The following ASTN2 variants were observed in gnomAD, a reference collection of about 807,000 sequenced individuals.
ASTN2 encodes the protein astrotactin-2.
ASTN2 carries 54 observed loss-of-function variants against 139.8 expected under a neutral mutation model. That is an observed-to-expected ratio of 0.39 (90% confidence interval 0.31 to 0.48). The LOEUF (loss-of-function observed/expected upper bound fraction) is 0.48, where lower values mean the gene tolerates loss of function less well. Among genes scored for constraint, ASTN2 ranks in the 20% least tolerant of loss-of-function variants. The pLI is 0.95. For missense variants in ASTN2, 1,565 were observed against 1,725.1 expected (o/e 0.91, Z 1.64); for synonymous variants, 756 against 719.5 (o/e 1.05, Z -0.81).
intron 4 of ASTN2, among the ~76,000 whole-genome samples, chr9:117,132,387 G>T (rs991655497): frequency 6.6e-6 from 1 of 151,704 alleles, no homozygotes; most frequent in African/African-American, 2.4e-5. Flanking sequence ...GTTTTATTAT[G>T]CAACAATGCT....
At chr9:117,084,932 A>G (rs1828522984) in intron 5 of ASTN2, among the ~76,000 whole-genome samples, 1 of 152,228 alleles carries the variant, frequency 6.6e-6, no homozygotes, top group South Asian at 2.1e-4. Context: ...AGATTTATTT[A>G]GGCTAAAGAA....
chr9:116,725,992 G>A (rs776645643), intron 15 of ASTN2, 42 bp from the exon 16 acceptor site: 2 of 1,561,384 alleles, frequency 1.3e-6, no homozygotes, highest in East Asian at 2.3e-5. Context: ...AGATGTGAGA[G>A]GCTGGCGGCT....
intron 22 of ASTN2, chr9:116,437,435 G>A (rs1847693038): frequency 2.1e-6 from 1 of 471,352 alleles, no homozygotes; most frequent in Non-Finnish European, 4.4e-6. Context: ...TGGGTGACAG[G>A]GTGGGGAGGT....
chr9:116,499,308 C>T (rs1849777010), intron 19 of ASTN2, among the ~76,000 whole-genome samples: 1 of 144,592 alleles, frequency 6.9e-6, no homozygotes, highest in Non-Finnish European at 1.5e-5. Context: ...CATTAAAGGT[C>T]GATTGAATGA....
In ASTN2 at chr9:116,790,966, GGAAAGAAAGAAAGAAAGAAAGAAA is replaced by G. The variant is rs1180188046; in HGVS notation, c.2396+14642_2396+14665del. ...AGAAAGAAAGAAAGAAAAGAAAGAA[GGAAAGAAAGAAAGAAAGAAAGAAA>G]GAAAGAAAGAAAGAAAGAAAGAAAG... On this transcript the variant is annotated intron_variant, in intron 13 of 22. Transcript: ENST00000313400. Among the ~76,000 whole-genome samples the G allele has an allele frequency of 9.3e-3, 615 of 65,842 alleles. 3 individuals are homozygous for G. Among genetic ancestry groups the G allele is most frequent in the African/African-American group, 0.015 (265 of 17,170 alleles). 43.2% of individuals were successfully genotyped at this position (65,842 alleles called of 152,430 possible).
In ASTN2 at chr9:117,141,399, G is replaced by A. The variant is rs377391261; in HGVS notation, c.1095C>T (p.Ile365=). ...FKESFRANTP[I]EIGQLQPPLR... is the part of the protein sequence containing the mutation. The stretch of plus-strand genomic sequence containing the variant: ...GGGGTGGTTGCAGCTGACCGATCTC[G>A]ATGGGCGTGTTAGCGCGGAAACTCT... Residue 365 remains isoleucine, a synonymous_variant, in exon 4 of 23, where the codon ATC becomes ATT. Transcript: ENST00000313400. The A allele has an allele frequency of 3.9e-5, 54 of 1,367,394 alleles. No individual in the cohort carries two copies. Among genetic ancestry groups the A allele is most frequent in the Non-Finnish European group, 4.5e-5 (46 of 1,021,842 alleles). 84.7% of individuals were successfully genotyped at this position (1,367,394 alleles called of 1,614,324 possible).
At chr9:116,623,192 T>C (rs1856261345) in intron 17 of ASTN2, among the ~76,000 whole-genome samples, 1 of 108,050 alleles carries the variant, frequency 9.3e-6, no homozygotes, top group Non-Finnish European at 2.1e-5. Context: ...TGTGTGTGTG[T>C]GTGTGTGTGT....
intron 10 of ASTN2, among the ~76,000 whole-genome samples, chr9:116,919,649 T>G (rs1834543392): frequency 6.7e-6 from 1 of 149,456 alleles, no homozygotes; most frequent in African/African-American, 2.5e-5. Context: ...CATTTTTTTT[T>G]TTTTTTTTTT....
Position 117,315,035 on chromosome 9 carries a change from T to A in ASTN2, c.443-23522A>T, listed in dbSNP as rs1047353829. Among the ~76,000 whole-genome samples the A allele has an allele frequency of 2.7e-5, 4 of 149,680 alleles. No individual in the cohort carries two copies. The East Asian group carries it at 7.8e-4, about 29-fold the overall frequency. On this transcript the variant is annotated intron_variant, in intron 1 of 22. Coordinates refer to ENST00000313400, the MANE Select transcript of ASTN2 (RefSeq NM_001365068.1). ...TATATATAAATATATAATAACTAAT[T>A]CCTTCAAGGCATATTCATGACAGTA...
Position 117,016,651 on chromosome 9 carries a change from T to TGTTAC in ASTN2, c.1424-8393_1424-8392insGTAAC, listed in dbSNP as rs1235345324. Among the ~76,000 whole-genome samples, 45 of 108,584 alleles carry TGTTAC rather than the reference T, an allele frequency of 4.1e-4. 2 individuals carry two copies. The highest frequency in any genetic ancestry group is 8.6e-4 in the African/African-American group (22 of 25,616). 71.2% of individuals were successfully genotyped at this position (108,584 alleles called of 152,430 possible). On this transcript the variant is annotated intron_variant, in intron 6 of 22. Transcript: ENST00000313400. ...ATATATATATATATATATATATATATATATAACCTATATATATGTTACATA... is the reference window on the plus strand; with the variant it reads ...ATATATATATATATATATATATATATGTTACATATAACCTATATATATGTTACATA...
In ASTN2 at chr9:116,872,641, CTT is replaced by C. The variant is rs1477002791; in HGVS notation, c.1890-8910_1890-8909del. On this transcript the variant is annotated intron_variant, in intron 10 of 22. Transcript: ENST00000313400. ...GGACCACAAAGATGACTCTCTCTCTCTTGCCAGACCTTGGAAGTAGGAGCTCA... is the reference window on the plus strand; with the variant it reads ...GGACCACAAAGATGACTCTCTCTCTCGCCAGACCTTGGAAGTAGGAGCTCA... 7.2e-5 allele frequency among the ~76,000 whole-genome samples: 11 copies of C among 152,232 alleles called. No homozygotes were observed. The East Asian group carries it at 1.7e-3, about 24-fold the overall frequency.
intron 10 of ASTN2, among the ~76,000 whole-genome samples, chr9:116,913,429 G>C (rs565491751): frequency 3.3e-5 from 5 of 152,144 alleles, no homozygotes. Flanking sequence ...ACCTTGGCTT[G>C]AGCCATTTCC....
At chr9:116,758,297 T>C (rs1210790011) in intron 13 of ASTN2, among the ~76,000 whole-genome samples, 3 of 152,288 alleles carry the variant, frequency 2.0e-5, no homozygotes, top group Non-Finnish European at 4.4e-5. Flanking sequence ...TGGTGTGTCC[T>C]GCATTGTAAC....
intron 8 of ASTN2, 78 bp from the exon 9 acceptor site, chr9:116,976,266 A>G: frequency 1.6e-6 from 2 of 1,218,426 alleles, no homozygotes; most frequent in South Asian, 1.2e-5. Context: ...ACTGCTCTAG[A>G]GTAGCTTTAC....
intron 11 of ASTN2, among the ~76,000 whole-genome samples, chr9:116,854,055 A>G (rs1285288297): frequency 6.6e-6 from 1 of 152,142 alleles, no homozygotes; most frequent in Non-Finnish European, 1.5e-5. Flanking sequence ...CTTTGGCCCA[A>G]TTTGGCCCGA....
At chr9:116,893,851 T>G (rs1833821696) in intron 10 of ASTN2, among the ~76,000 whole-genome samples, 1 of 152,184 alleles carries the variant, frequency 6.6e-6, no homozygotes, top group Non-Finnish European at 1.5e-5. Flanking sequence ...TCCTGCTGAT[T>G]TAGGGATACC....
intron 19 of ASTN2, among the ~76,000 whole-genome samples, chr9:116,578,491 G>A (rs1428865496): frequency 6.6e-6 from 1 of 151,754 alleles, no homozygotes; most frequent in African/African-American, 2.4e-5. Flanking sequence ...TAGATATTAT[G>A]AGAATTATAA....
chr9:116,622,957 C>T (rs1358115645), intron 17 of ASTN2, among the ~76,000 whole-genome samples: 3 of 152,204 alleles, frequency 2.0e-5, no homozygotes, highest in African/African-American at 7.2e-5. Context: ...GACCTTTTCT[C>T]ACTCCCTTTG....
At chr9:116,573,047 A>G in intron 19 of ASTN2, among the ~76,000 whole-genome samples, 1 of 152,126 alleles carries the variant, frequency 6.6e-6, no homozygotes, top group East Asian at 1.9e-4. Flanking sequence ...ATATACACAC[A>G]CACACATCAG....
Sources: allele counts gnomAD v4.1 joint callset (sites outside exome capture counted in the v4.1 genomes callset), GRCh38; gene constraint gnomAD v4.1.1; transcripts MANE v1.5; gene names NCBI Gene and HGNC (gene_info 2026-07-23, HGNC 2026-07-21).